PCDH9: variants seen among roughly 807,000 people sequenced by gnomAD.
PCDH9 encodes protocadherin 9, also known as protocadherin-9.
PCDH9 carries 24 observed loss-of-function variants against 70.6 expected under a neutral mutation model. The observed-to-expected ratio is 0.34, with a 90% CI of 0.25 to 0.48. PCDH9 has a LOEUF of 0.48. PCDH9 is among the 20% of genes least tolerant of loss of function. PCDH9 has a pLI of 0.99. For missense variants in PCDH9, 1,281 were observed against 1,503.6 expected (o/e 0.85, Z 2.45); for synonymous variants, 562 against 558.5 (o/e 1.01, Z -0.09).
intron 2 of PCDH9, among the ~76,000 whole-genome samples, chr13:67,035,452 C>A (rs2084990970): frequency 6.6e-6 from 1 of 151,942 alleles, no homozygotes; most frequent in Non-Finnish European, 1.5e-5. Flanking sequence ...ACACTTACAG[C>A]TGTTCATCAT....
At chr13:66,947,413 G>T (rs1372609651) in intron 2 of PCDH9, among the ~76,000 whole-genome samples, 1 of 152,068 alleles carries the variant, frequency 6.6e-6, no homozygotes, top group Non-Finnish European at 1.5e-5. Context: ...TGATAATCAT[G>T]TTCTTTTTCC....
chr13:66,642,815 G>C (rs914183289), intron 3 of PCDH9, among the ~76,000 whole-genome samples: 1 of 151,844 alleles, frequency 6.6e-6, no homozygotes, highest in Non-Finnish European at 1.5e-5. Flanking sequence ...CAAATATTTT[G>C]AGAAATCACA....
At chr13:67,075,333 TA>T (rs1021525625) in intron 2 of PCDH9, among the ~76,000 whole-genome samples, 11 of 151,090 alleles carry the variant, frequency 7.3e-5, no homozygotes, top group Non-Finnish European at 1.5e-4. Flanking sequence ...AAGGAAAAAA[TA>T]AAAAAAAGGA....
chr13:66,772,297 C>G (rs1217890661), intron 3 of PCDH9, among the ~76,000 whole-genome samples: 1 of 152,162 alleles, frequency 6.6e-6, no homozygotes, highest in Non-Finnish European at 1.5e-5. Context: ...TCTCAAAACT[C>G]CCATCTTTTG....
At chr13:66,567,101 C>T (rs1279840080) in intron 4 of PCDH9, among the ~76,000 whole-genome samples, 1 of 151,948 alleles carries the variant, frequency 6.6e-6, no homozygotes, top group African/African-American at 2.4e-5. Context: ...AGAACTTTAG[C>T]CAGTCCTAAA....
At chr13:66,609,947 T>A (rs900742145) in intron 4 of PCDH9, among the ~76,000 whole-genome samples, 3 of 147,756 alleles carry the variant, frequency 2.0e-5, no homozygotes, top group African/African-American at 2.5e-5. Flanking sequence ...AGAAATAGCA[T>A]TTCCTTCTTT....
chr13:66,726,419 C>G (rs915298024), intron 3 of PCDH9, among the ~76,000 whole-genome samples: 1 of 152,068 alleles, frequency 6.6e-6, no homozygotes, highest in African/African-American at 2.4e-5. Flanking sequence ...CATACAAACT[C>G]AGAGGGTAAT....
At position 66,611,000 on chromosome 13, in the gene PCDH9, T is replaced by C. The variant is rs917350410; in HGVS notation, c.3340+20210A>G. Among the ~76,000 whole-genome samples the C allele has an allele frequency of 6.6e-5, 10 of 152,312 alleles. No individual in the cohort carries two copies. In the East Asian group the frequency reaches 9.7e-4, roughly 15 times the overall value. On this transcript the variant is annotated intron_variant, in intron 4 of 4. Transcript: ENST00000377865. The stretch of plus-strand genomic sequence containing the variant: ...CTGAAGCAGTTTCCTTTTTCATTCA[T>C]TGAAAAATTTAAAAGCTAGTTCAAG...
At chr13:66,571,610 G>T (rs9671200) in intron 4 of PCDH9, among the ~76,000 whole-genome samples, 1 of 151,500 alleles carries the variant, frequency 6.6e-6, no homozygotes, top group Non-Finnish European at 1.5e-5. Flanking sequence ...CCTCATTATC[G>T]CTTGATAGTT....
intron 4 of PCDH9, among the ~76,000 whole-genome samples, chr13:66,603,130 A>G (rs553724864): frequency 6.8e-6 from 1 of 146,112 alleles, no homozygotes; most frequent in East Asian, 1.9e-4. Context: ...TCTGGAGCAT[A>G]TTCAAGAAAG....
At chr13:66,900,588 A>T (rs2082261029) in intron 3 of PCDH9, among the ~76,000 whole-genome samples, 1 of 151,818 alleles carries the variant, frequency 6.6e-6, no homozygotes, top group South Asian at 2.1e-4. Flanking sequence ...TTTCTCTATA[A>T]GTAAGCAATA....
intron 3 of PCDH9, among the ~76,000 whole-genome samples, chr13:66,867,234 T>C (rs2081592554): frequency 6.6e-6 from 1 of 152,108 alleles, no homozygotes; most frequent in African/African-American, 2.4e-5. Flanking sequence ...TAAAATCCCA[T>C]TATACTATTT....
chr13:66,572,172 G>T (rs2076742209), intron 4 of PCDH9, among the ~76,000 whole-genome samples: 1 of 151,840 alleles, frequency 6.6e-6, no homozygotes, highest in African/African-American at 2.4e-5. Context: ...ATCAAGTCAG[G>T]GTAATTAGGA....
At chr13:66,897,511 G>C (rs1168554196) in intron 3 of PCDH9, among the ~76,000 whole-genome samples, 1 of 152,062 alleles carries the variant, frequency 6.6e-6, no homozygotes, top group African/African-American at 2.4e-5. Context: ...ACATGTAGTA[G>C]AGGGTTGATC....
At chr13:66,573,808 G>C (rs907953116) in intron 4 of PCDH9, among the ~76,000 whole-genome samples, 7 of 152,048 alleles carry the variant, frequency 4.6e-5, no homozygotes, top group African/African-American at 1.7e-4. Flanking sequence ...GCAATTATCA[G>C]TCAATATTAC....
At chr13:67,176,289 C>T (rs138597590) in intron 2 of PCDH9, among the ~76,000 whole-genome samples, 167 of 152,120 alleles carry the variant, frequency 1.1e-3, no homozygotes, top group Non-Finnish European at 2.1e-3. Context: ...CAATTATTAC[C>T]AGCATAAAGC....
intron 4 of PCDH9, among the ~76,000 whole-genome samples, chr13:66,587,959 G>A (rs1413210891): frequency 6.6e-6 from 1 of 151,888 alleles, no homozygotes; most frequent in Non-Finnish European, 1.5e-5. Flanking sequence ...GTTGAATGTC[G>A]CTCACCTCTA....
chr13:66,543,897 C>T lies in PCDH9; in HGVS notation c.3340+87313G>A, dbSNP rs545578528. Among the ~76,000 whole-genome samples, 21 of 152,238 alleles carry T rather than the reference C, an allele frequency of 1.4e-4. No homozygotes were observed. In the South Asian group the frequency reaches 2.1e-3, roughly 15 times the overall value. On this transcript the variant is annotated intron_variant, in intron 4 of 4. Coordinates refer to ENST00000377865, the MANE Select transcript of PCDH9 (RefSeq NM_203487.3). The stretch of plus-strand genomic sequence containing the variant: ...TGATGCATTCTGGAAATGAACTTAA[C>T]GGGGACACAGCCAACTTCCATCACA...
intron 4 of PCDH9, among the ~76,000 whole-genome samples, chr13:66,571,872 C>T (rs2076737892): frequency 6.6e-6 from 1 of 151,746 alleles, no homozygotes; most frequent in South Asian, 2.1e-4. Context: ...AATGTTTTAT[C>T]GTGTATGACT....
Sources: allele counts gnomAD v4.1 joint callset (sites outside exome capture counted in the v4.1 genomes callset), GRCh38; gene constraint gnomAD v4.1.1; transcripts MANE v1.5; gene names NCBI Gene and HGNC (gene_info 2026-07-23, HGNC 2026-07-21).